The following PCBP3 variants were observed in gnomAD, a reference collection of about 807,000 sequenced individuals.
PCBP3 encodes poly(rC) binding protein 3, also known as poly(rC)-binding protein 3.
In PCBP3, 25 loss-of-function variants were observed where a neutral mutation model predicts 52.7. The observed-to-expected ratio is 0.47, with a 90% CI of 0.35 to 0.66. PCBP3 has a LOEUF of 0.66. Ranked by LOEUF, PCBP3 falls within the 30% of genes least tolerant of loss-of-function variation. The pLI, the probability that PCBP3 is intolerant of heterozygous loss-of-function variation, is 0.01. For missense variants in PCBP3, 391 were observed against 490.3 expected (o/e 0.80, Z 1.91); for synonymous variants, 162 against 183.0 (o/e 0.89, Z 0.93).
At chr21:45,887,610 G>A (rs2095552180) in intron 5 of PCBP3, among the ~76,000 whole-genome samples, 1 of 152,254 alleles carries the variant, frequency 6.6e-6, no homozygotes, top group Non-Finnish European at 1.5e-5. Context: ...CCCCAGCTGT[G>A]CACACGTTGG....
intron 1 of PCBP3, among the ~76,000 whole-genome samples, chr21:45,646,278 A>C (rs549467303): frequency 6.6e-6 from 1 of 152,072 alleles, no homozygotes; most frequent in Admixed American, 6.6e-5. Flanking sequence ...ACGCCATTTT[A>C]TTCTTCTTTT....
At chr21:45,846,258 A>G (rs1417564547) in intron 4 of PCBP3, among the ~76,000 whole-genome samples, 1 of 152,140 alleles carries the variant, frequency 6.6e-6, no homozygotes, top group Non-Finnish European at 1.5e-5. Flanking sequence ...AGTTCCCCTT[A>G]GGTGTTTCTA....
chr21:45,815,003 AGTGGTGAGTGATGAG>A (rs2092840172), intron 4 of PCBP3, among the ~76,000 whole-genome samples: 1 of 72,002 alleles, frequency 1.4e-5, no homozygotes, highest in Non-Finnish European at 2.7e-5. Context: ...GTGGTGAGTG[AGTGGTGAGTGATGAG>A]TGAGTGGTGA....
At chr21:45,870,169 A>G (rs192200320) in intron 5 of PCBP3, among the ~76,000 whole-genome samples, 1 of 152,118 alleles carries the variant, frequency 6.6e-6, no homozygotes, top group East Asian at 1.9e-4. Flanking sequence ...AGTTTTACTC[A>G]ACATTTATTA....
intron 2 of PCBP3, among the ~76,000 whole-genome samples, chr21:45,682,175 A>G (rs1163447878): frequency 6.6e-6 from 1 of 152,118 alleles, no homozygotes. Context: ...TAGGTAAAAC[A>G]TGCTTTTGTT....
At chr21:45,644,505 GTT>G (rs562542496) in intron 1 of PCBP3, among the ~76,000 whole-genome samples, 1 of 107,432 alleles carries the variant, frequency 9.3e-6, no homozygotes, top group Non-Finnish European at 2.0e-5. Flanking sequence ...TCGTGAAAGA[GTT>G]TTTTTCTTTT....
chr21:45,740,378 T>G (rs1474926810), intron 3 of PCBP3, among the ~76,000 whole-genome samples: 1 of 152,186 alleles, frequency 6.6e-6, no homozygotes, highest in African/African-American at 2.4e-5. Flanking sequence ...TAAAAAAAAT[T>G]ATTCCCTTGA....
intron 5 of PCBP3, among the ~76,000 whole-genome samples, chr21:45,892,475 G>A (rs145298077): frequency 7.1e-6 from 1 of 141,736 alleles, no homozygotes; most frequent in Non-Finnish European, 1.5e-5. Flanking sequence ...GGGCGTGGGG[G>A]GGGGGGCGGT....
intron 2 of PCBP3, among the ~76,000 whole-genome samples, chr21:45,675,631 C>T (rs1165001065): frequency 1.3e-5 from 2 of 152,162 alleles, no homozygotes; most frequent in Admixed American, 1.3e-4. Flanking sequence ...CTTTTTTCAC[C>T]TCTTTTTTTA....
intron 2 of PCBP3, among the ~76,000 whole-genome samples, chr21:45,713,214 G>A (rs1182690154): frequency 6.6e-6 from 1 of 152,078 alleles, no homozygotes; most frequent in African/African-American, 2.4e-5. Context: ...GTTGTGCTTG[G>A]TGTCCGTTTA....
In PCBP3 at chr21:45,940,019, C is replaced by G. The variant is rs201946209; in HGVS notation, c.910-11C>G. 22 of 1,610,892 alleles carry G rather than the reference C, an allele frequency of 1.4e-5. No homozygotes were observed. Among genetic ancestry groups the G allele is most frequent in the Admixed American group, 3.3e-5 (2 of 59,896 alleles). On this transcript the variant is annotated splice_polypyrimidine_tract_variant and intron_variant, in intron 16 of 17. Transcript: ENST00000681687. Reference sequence around the variant, plus strand: ...CTGTTCTCTAAGAAATCCCCCCGTCCTTGTTTCTAGCTAATAGGCTGCATA... The same window carrying G: ...CTGTTCTCTAAGAAATCCCCCCGTCGTTGTTTCTAGCTAATAGGCTGCATA...
Position 45,854,600 on chromosome 21 carries a change from T to C in PCBP3, c.10+4505T>C, listed in dbSNP as rs557486495. On this transcript the variant is annotated intron_variant, in intron 5 of 17. Transcript: ENST00000681687. ...GCATGTGTGAGAATGTCCTTCCTTTTGAAAGCTGACCGATATCCTGTTGTA... is the reference window on the plus strand; with the variant it reads ...GCATGTGTGAGAATGTCCTTCCTTTCGAAAGCTGACCGATATCCTGTTGTA... 7.2e-5 allele frequency among the ~76,000 whole-genome samples: 11 copies of C among 152,344 alleles called. No homozygotes were observed. The South Asian group carries it at 2.1e-3, about 29-fold the overall frequency.
At chr21:45,855,647 G>A (rs981262932) in intron 5 of PCBP3, among the ~76,000 whole-genome samples, 4 of 152,222 alleles carry the variant, frequency 2.6e-5, no homozygotes, top group African/African-American at 4.8e-5. Context: ...TCCGTACCCC[G>A]CCACCCTAGG....
chr21:45,900,497 C>A, intron 7 of PCBP3, 94 bp from the exon 8 acceptor site: 1 of 908,150 alleles, frequency 1.1e-6, no homozygotes, highest in Non-Finnish European at 1.8e-6. Context: ...GCTGTGTGGG[C>A]GTATGGGCCA....
At chr21:45,812,605 T>C (rs1041219594) in intron 4 of PCBP3, among the ~76,000 whole-genome samples, 49 of 152,216 alleles carry the variant, frequency 3.2e-4, no homozygotes, top group Admixed American at 3.2e-3. Context: ...TTTCACCGTG[T>C]TGGCCAGAAC....
chr21:45,910,213 C>CCCACCCACTGCCCAAATATGGGCCCTTT (rs2096355892), intron 10 of PCBP3, among the ~76,000 whole-genome samples: 2 of 79,522 alleles, frequency 2.5e-5, no homozygotes, highest in Middle Eastern at 5.8e-3. Flanking sequence ...ATACGGACCC[C>CCCACCCACTGCCCAAATATGGGCCCTTT]CCACCCACTG....
At chr21:45,662,284 T>C (rs1420119962) in intron 1 of PCBP3, among the ~76,000 whole-genome samples, 1 of 67,114 alleles carries the variant, frequency 1.5e-5, no homozygotes, top group Non-Finnish European at 3.9e-5. Context: ...TTTTTTTTTT[T>C]TTTTTTTTTT....
rs2096281447 is a variant in PCBP3, at chr21:45,909,357, T to A, written c.342T>A (p.Asp114Glu). ...FAMIAYKFEEDIINSMSNSPA... is the reference protein window; with the variant it reads ...FAMIAYKFEEEIINSMSNSPA... ...CAACACACGTGTCTCTCCCCTAGGA[T>A]ATCATCAACTCCATGAGCAACAGCC... The change falls in exon 10 of 18, where the codon GAT (aspartate) becomes GAA (glutamate). Residue 114 changes from aspartate to glutamate, a missense_variant and splice_region_variant. Transcript: ENST00000681687. The A allele has an allele frequency of 6.2e-7, 1 of 1,612,060 alleles. No individual in the cohort carries two copies. The highest frequency in any genetic ancestry group is 8.5e-7 in the Non-Finnish European group (1 of 1,179,354).
intron 2 of PCBP3, among the ~76,000 whole-genome samples, chr21:45,731,316 T>A (rs936799204): frequency 1.3e-5 from 2 of 152,218 alleles, no homozygotes; most frequent in African/African-American, 4.8e-5. Context: ...AACGCCTCCC[T>A]GAACAACGCT....
Sources: gnomAD v4.1 joint callset for allele counts (sites outside exome capture counted in the v4.1 genomes callset) on GRCh38, gnomAD v4.1.1 for gene constraint, MANE v1.5 for transcripts, NCBI Gene and HGNC (gene_info 2026-07-23, HGNC 2026-07-21) for gene names.